The following NCKAP5 variants were observed in gnomAD, a reference collection of about 807,000 sequenced individuals.
NCKAP5 encodes nck-associated protein 5.
NCKAP5 carries 92 observed loss-of-function variants against 167.0 expected under a neutral mutation model. The ratio of observed to expected loss-of-function variants is 0.55; its 90% CI spans 0.47 to 0.66. NCKAP5 has a LOEUF of 0.66. Ranked by LOEUF, NCKAP5 falls within the 30% of genes least tolerant of loss-of-function variation. The pLI is 0.00. For synonymous variants in NCKAP5, 891 were observed against 877.4 expected, an observed-to-expected ratio of 1.02 and a Z score of -0.27; for missense variants, 2,378 against 2,315.0, an observed-to-expected ratio of 1.03 and a Z score of -0.56.
At chr2:133,539,940 G>C (rs1686083590) in intron 2 of NCKAP5, among the ~76,000 whole-genome samples, 1 of 152,178 alleles carries the variant, frequency 6.6e-6, no homozygotes, top group African/African-American at 2.4e-5. Flanking sequence ...CAGCACTTTG[G>C]AAGGCCGAGG....
intron 10 of NCKAP5, among the ~76,000 whole-genome samples, chr2:132,865,600 T>TTA (rs1284468274): frequency 1.3e-5 from 2 of 152,242 alleles, no homozygotes; most frequent in African/African-American, 4.8e-5. Context: ...GCCTTTTATT[T>TTA]TATTCCCTGT....
chr2:132,849,017 G>T (rs1311103421), intron 11 of NCKAP5, among the ~76,000 whole-genome samples: 1 of 152,166 alleles, frequency 6.6e-6, no homozygotes, highest in Non-Finnish European at 1.5e-5. Context: ...CCGATGCAAT[G>T]TGAATGAATA....
chr2:132,714,219 G>T (rs1006817115), intron 19 of NCKAP5, among the ~76,000 whole-genome samples: 5 of 152,118 alleles, frequency 3.3e-5, no homozygotes, highest in African/African-American at 1.2e-4. Context: ...GTATATCCGT[G>T]GCTAATTTAT....
intron 6 of NCKAP5, among the ~76,000 whole-genome samples, chr2:133,012,318 G>A (rs1361471496): frequency 6.6e-6 from 1 of 152,048 alleles, no homozygotes; most frequent in East Asian, 1.9e-4. Context: ...TGCTATCTCG[G>A]CTCACTGCAA....
At chr2:132,816,044 G>A (rs1686242886) in intron 11 of NCKAP5, among the ~76,000 whole-genome samples, 1 of 152,078 alleles carries the variant, frequency 6.6e-6, no homozygotes. Context: ...TGTGACTAGG[G>A]CAAGCCACTT....
chr2:133,462,266 C>T (rs1020625926), intron 3 of NCKAP5, among the ~76,000 whole-genome samples: 5 of 152,108 alleles, frequency 3.3e-5, no homozygotes, highest in Admixed American at 3.3e-4. Flanking sequence ...CTGATCTTTA[C>T]CTGCCGGTCA....
intron 19 of NCKAP5, among the ~76,000 whole-genome samples, chr2:132,684,846 AG>A (rs1341445977): frequency 6.6e-6 from 1 of 152,178 alleles, no homozygotes; most frequent in Non-Finnish European, 1.5e-5. Flanking sequence ...CTGCTTGAAT[AG>A]AAGCTAAAAA....
At chr2:133,338,375 T>C (rs1450899794) in intron 3 of NCKAP5, among the ~76,000 whole-genome samples, 1 of 152,224 alleles carries the variant, frequency 6.6e-6, no homozygotes, top group Admixed American at 6.5e-5. Flanking sequence ...AGTAACAGAA[T>C]GTAGTAAGTA....
chr2:133,589,971 C>T, the NCKAP5 span, among the ~76,000 whole-genome samples: 6,679 of 152,190 alleles, frequency 0.044, 229 homozygotes, highest in Non-Finnish European at 0.063. Flanking sequence ...CAGAAAAGAA[C>T]ATCAATGGAG....
At chr2:133,397,970 C>G (rs1276532590) in intron 3 of NCKAP5, among the ~76,000 whole-genome samples, 1 of 152,048 alleles carries the variant, frequency 6.6e-6, no homozygotes, top group Non-Finnish European at 1.5e-5. Flanking sequence ...TTGACAAGTC[C>G]TGTATTAAGG....
In NCKAP5 at chr2:132,783,415, A is replaced by G. The variant is rs1683235442; in HGVS notation, c.3396T>C (p.His1132=). The G allele has an allele frequency of 8.2e-6, 13 of 1,592,278 alleles. No individual in the cohort carries two copies. Among genetic ancestry groups the G allele is most frequent in the Non-Finnish European group, 1.0e-5 (12 of 1,169,606 alleles). The change falls in exon 14 of 20, where the codon CAT becomes CAC. Residue 1132 remains histidine, a synonymous_variant. Transcript: ENST00000409261. ...CTTTCTCATGAGCACTTTGACAACC[A>G]TGAGGGCTGTTATGGCTTTTGGCGG... The part of the protein sequence containing the change: ...SSPAKSHNSP[H]GCQSAHEKGL...
At chr2:133,494,015 G>C (rs917288900) in intron 3 of NCKAP5, among the ~76,000 whole-genome samples, 1 of 151,884 alleles carries the variant, frequency 6.6e-6, no homozygotes, top group Non-Finnish European at 1.5e-5. Context: ...GGAAAGTTTG[G>C]GTTTGTGAGA....
At chr2:132,766,974 G>A (rs1345659233) in intron 16 of NCKAP5, among the ~76,000 whole-genome samples, 1 of 152,182 alleles carries the variant, frequency 6.6e-6, no homozygotes, top group African/African-American at 2.4e-5. Context: ...TAAGAACAAC[G>A]TCTGTGTTAC....
At chr2:133,632,128 T>C in the NCKAP5 span, among the ~76,000 whole-genome samples, 1 of 152,244 alleles carries the variant, frequency 6.6e-6, no homozygotes, top group African/African-American at 2.4e-5. Context: ...AGTGGTGATG[T>C]CAGGAGTGTT....
chr2:132,714,209 G>A (rs1285004208), intron 19 of NCKAP5, among the ~76,000 whole-genome samples: 1 of 152,196 alleles, frequency 6.6e-6, no homozygotes, highest in African/African-American at 2.4e-5. Flanking sequence ...TAATGAAATT[G>A]TATATCCGTG....
the NCKAP5 span, among the ~76,000 whole-genome samples, chr2:133,574,706 G>A: frequency 1.3e-5 from 2 of 148,490 alleles, no homozygotes; most frequent in Non-Finnish European, 3.0e-5. Context: ...TCCAGAAACA[G>A]CTTATTTTTG....
Position 132,679,696 on chromosome 2 carries a change from G to A in NCKAP5, c.5714-6391C>T, listed in dbSNP as rs951381928. Among the ~76,000 whole-genome samples, 9 of 152,072 alleles carry A rather than the reference G, an allele frequency of 5.9e-5. No homozygotes were observed. The East Asian group carries it at 9.7e-4, about 16-fold the overall frequency. ...AGCAAATAAATGAAGTCTAAGAGAC[G>A]GTCTGTTTAATCAAGGGTTTTGGGC... On this transcript the variant is annotated intron_variant, in intron 19 of 19. Coordinates refer to ENST00000409261, the MANE Select transcript of NCKAP5 (RefSeq NM_207363.3).
rs144700651 is a variant in NCKAP5 at position 132,739,864 on chromosome 2, A to G, written c.5129-7813T>C. Among the ~76,000 whole-genome samples the G allele has an allele frequency of 3.5e-3, 535 of 152,242 alleles. 2 individuals carry two copies. The highest frequency in any genetic ancestry group is 0.012 in the African/African-American group (514 of 41,542). ...GAGAGTCTGTGTTTTTGAGAAATCTATGTTGGAGGCAGCACCTTAAAAAGC... is the reference window on the plus strand; with the variant it reads ...GAGAGTCTGTGTTTTTGAGAAATCTGTGTTGGAGGCAGCACCTTAAAAAGC... On this transcript the variant is annotated intron_variant, in intron 16 of 19. Coordinates refer to ENST00000409261, the MANE Select transcript of NCKAP5 (RefSeq NM_207363.3).
At chr2:133,231,173 C>G (rs1316510384) in intron 4 of NCKAP5, among the ~76,000 whole-genome samples, 1 of 152,092 alleles carries the variant, frequency 6.6e-6, no homozygotes, top group Non-Finnish European at 1.5e-5. Flanking sequence ...AAAATGGAGG[C>G]TCAAAGAGGT....
Sources: allele counts gnomAD v4.1 joint callset (sites outside exome capture counted in the v4.1 genomes callset), GRCh38; gene constraint gnomAD v4.1.1; transcripts MANE v1.5; gene names NCBI Gene and HGNC (gene_info 2026-07-23, HGNC 2026-07-21).